Variants in RSRP1 observed in about 807,000 individuals in gnomAD.
RSRP1 encodes arginine and serine rich protein 1.
In RSRP1, 37 loss-of-function variants were observed where a neutral mutation model predicts 33.0. That is an observed-to-expected ratio of 1.12 (90% CI 0.86 to 1.48). RSRP1 has a LOEUF of 1.48. Among genes scored for constraint, RSRP1 ranks in the 40% most tolerant of loss-of-function variants. The pLI is 0.00. For missense variants in RSRP1, 402 were observed against 385.3 expected, an observed-to-expected ratio of 1.04 and a Z score of -0.36; for synonymous variants, 167 against 158.7, an observed-to-expected ratio of 1.05 and a Z score of -0.40.
intron 1 of RSRP1, among the ~76,000 whole-genome samples, chr1:25,292,283 G>GAT (rs1642575515): frequency 7.6e-6 from 1 of 132,310 alleles, no homozygotes; most frequent in African/African-American, 2.6e-5. Context: ...GGAGAGCCAT[G>GAT]ATCTGACTTA....
intron 1 of RSRP1, among the ~76,000 whole-genome samples, chr1:25,256,821 T>C (rs1156440192): frequency 6.6e-6 from 1 of 152,112 alleles, no homozygotes; most frequent in East Asian, 1.9e-4. Context: ...TATTATGCTA[T>C]TGGACCTAAA....
At chr1:25,290,892 C>A in intron 1 of RSRP1, 2 of 1,193,026 alleles carry the variant, frequency 1.7e-6, no homozygotes, top group South Asian at 1.2e-5. Flanking sequence ...ACCTGTAATC[C>A]CAGCTACTTG....
intron 1 of RSRP1, among the ~76,000 whole-genome samples, chr1:25,276,386 A>G (rs1158900278): frequency 1.5e-4 from 18 of 122,070 alleles, no homozygotes; most frequent in African/African-American, 5.2e-4. Context: ...CTGTTTTCGT[A>G]TATGCTTTAA....
At chr1:25,303,113 C>T (rs1643517144) in intron 1 of RSRP1, among the ~76,000 whole-genome samples, 1 of 131,976 alleles carries the variant, frequency 7.6e-6, no homozygotes, top group Admixed American at 7.3e-5. Context: ...GGTAACTGTG[C>T]CCTGAGCCTA....
chr1:25,262,579 T>G (rs911938598), intron 1 of RSRP1, among the ~76,000 whole-genome samples: 6 of 152,328 alleles, frequency 3.9e-5, no homozygotes, highest in African/African-American at 1.4e-4. Flanking sequence ...GCAGATTGTC[T>G]GCAAGCTGGA....
chr1:25,307,418 GA>G (rs1437610441), intron 1 of RSRP1, among the ~76,000 whole-genome samples: 1 of 132,060 alleles, frequency 7.6e-6, no homozygotes, highest in African/African-American at 2.6e-5. Flanking sequence ...TATATAAAAT[GA>G]AAAAGTGAAT....
Position 25,243,645 on chromosome 1 carries a change from A to G in RSRP1, c.673-12T>C. On this transcript the variant is annotated splice_polypyrimidine_tract_variant and intron_variant, in intron 3 of 4. Transcript: ENST00000243189. ...ACCTTTTCCGACAGCTAGACAGGTT[A>G]AGAAAAAGTGTAATTTTAAAACACA... 1.2e-6 allele frequency: 2 copies of G among 1,613,068 alleles called. No individual in the cohort carries two copies. The highest frequency in any genetic ancestry group is 1.7e-6 in the Non-Finnish European group (2 of 1,179,498).
intron 1 of RSRP1, among the ~76,000 whole-genome samples, chr1:25,255,842 T>C (rs1639930489): frequency 6.6e-6 from 1 of 152,086 alleles, no homozygotes; most frequent in South Asian, 2.1e-4. Context: ...AATCTAATGC[T>C]GCGGCTGATC....
At chr1:25,262,630 A>G (rs1411418427) in intron 1 of RSRP1, among the ~76,000 whole-genome samples, 2 of 152,180 alleles carry the variant, frequency 1.3e-5, no homozygotes, top group East Asian at 3.9e-4. Context: ...CCAAGTCCCA[A>G]AGCCTCAGAA....
chr1:25,276,851 G>T (rs1292419134), intron 1 of RSRP1, among the ~76,000 whole-genome samples: 1 of 132,608 alleles, frequency 7.5e-6, no homozygotes, highest in African/African-American at 2.6e-5. Flanking sequence ...CAGATCACGA[G>T]GTCTGGAGAT....
At chr1:25,294,218 GA>G (rs1459601772) in intron 1 of RSRP1, 1 of 849,036 alleles carries the variant, frequency 1.2e-6, no homozygotes, top group Non-Finnish European at 2.0e-6. Flanking sequence ...CGTGATAGTT[GA>G]AATAGCAAAG....
At position 25,313,855 on chromosome 1, in the gene RSRP1, C is replaced by T. The variant is rs189754116; in HGVS notation, c.-67+24123G>A. 1.5e-5 allele frequency among the ~76,000 whole-genome samples: 2 copies of T among 132,932 alleles called. 1 individual carries two copies. Among genetic ancestry groups the T allele is most frequent in the Admixed American group, 1.5e-4 (2 of 13,658 alleles). The allele number at this position is 132,932 out of a possible 152,430, so 87.2% of individuals were successfully genotyped here. A position where few individuals can be genotyped will look rare whatever the true frequency, so the allele number is the denominator to read the frequency against. On this transcript the variant is annotated intron_variant, in intron 1 of 1. Coordinates refer to the RSRP1 transcript ENST00000561867. ...CTGACTTGCAAGAAAATGAGATAAA[C>T]AACTTTGGCCATTAGTGTGGCCCTG...
Position 25,242,368 on chromosome 1 carries a change from T to TC in RSRP1, c.*220dup, listed in dbSNP as rs1192847168. ...ATATTTACAACTATATACAAAAGAC[T>TC]CCCACCTGTGCATAACCTTTGGTCC... On this transcript the variant is annotated 3_prime_UTR_variant, in exon 5 of 5. Coordinates refer to ENST00000243189, the MANE Select transcript of RSRP1 (RefSeq NM_020317.5). 2.8e-6 allele frequency: 1 copy of TC among 358,744 alleles called. No homozygotes were observed. Among genetic ancestry groups the TC allele is most frequent in the African/African-American group, 2.1e-5 (1 of 48,094 alleles). 22.2% of individuals were successfully genotyped at this position (358,744 alleles called of 1,614,324 possible). A position where few individuals can be genotyped will look rare whatever the true frequency, so the allele number is the denominator to read the frequency against.
At position 25,246,580 on chromosome 1, in the gene RSRP1, T is replaced by G. The variant is rs773705752; in HGVS notation, c.384A>C (p.Gly128=). The G allele has an allele frequency of 3.4e-5, 55 of 1,614,158 alleles. No individual in the cohort carries two copies. Among genetic ancestry groups the G allele is most frequent in the Non-Finnish European group, 4.3e-5 (51 of 1,180,036 alleles). Residue 128 remains glycine (G), a synonymous_variant, in exon 2 of 5, where the codon GGA becomes GGC. Transcript: ENST00000243189. ...RSRSRGRSYC[G]RAYAIARGQR... ...GTCCCCGCGCGATCGCGTACGCCCT[T>G]CCGCAGTACGACCTTCCCCGAGAGC...
At chr1:25,297,494 G>A (rs1390815467) in intron 1 of RSRP1, among the ~76,000 whole-genome samples, 1 of 121,674 alleles carries the variant, frequency 8.2e-6, no homozygotes, top group Non-Finnish European at 1.9e-5. Context: ...TTCACCCACT[G>A]ATTTTAGTGT....
upstream of RSRP1, among the ~76,000 whole-genome samples, chr1:25,251,641 TTA>T (rs1368850118): frequency 5.9e-5 from 9 of 152,162 alleles, no homozygotes; most frequent in African/African-American, 2.2e-4. Flanking sequence ...AGTGCTGGGA[TTA>T]CAGGCGTGAG....
Position 25,305,853 on chromosome 1 carries a change from C to T in RSRP1, c.-67+32125G>A, listed in dbSNP as rs1332414664. Among the ~76,000 whole-genome samples, 79 of 131,180 alleles carry T rather than the reference C, an allele frequency of 6.0e-4. 21 individuals carry two copies. The highest frequency in any genetic ancestry group is 5.2e-4 in the Admixed American group (7 of 13,486). The allele number at this position is 131,180 out of a possible 152,430, so 86.1% of individuals were successfully genotyped here. ...CCGACTTCAGGTGATCCACCCATGTCGGCCTCCCAAAGTGCTGGGATTACA... is the reference window on the plus strand; with the variant it reads ...CCGACTTCAGGTGATCCACCCATGTTGGCCTCCCAAAGTGCTGGGATTACA... On this transcript the variant is annotated intron_variant, in intron 1 of 1. Transcript: ENST00000561867.
intron 1 of RSRP1, among the ~76,000 whole-genome samples, chr1:25,276,791 G>A (rs1157125681): frequency 7.5e-6 from 1 of 132,522 alleles, no homozygotes; most frequent in Admixed American, 7.3e-5. Flanking sequence ...TAAAGGCTGG[G>A]TGTAGTGGCT....
Position 25,298,595 on chromosome 1 carries a change from A to G in RSRP1, c.-67+39383T>C, listed in dbSNP as rs1196878103. Among the ~76,000 whole-genome samples the G allele has an allele frequency of 3.8e-5, 5 of 131,926 alleles. 1 individual carries two copies. The highest frequency in any genetic ancestry group is 7.8e-5 in the African/African-American group (3 of 38,440). 86.5% of individuals were successfully genotyped at this position (131,926 alleles called of 152,430 possible). On this transcript the variant is annotated intron_variant, in intron 1 of 1. Coordinates refer to the RSRP1 transcript ENST00000561867. ...GGTGGAGTTCAAAGAGATGAAAAAC[A>G]CAAGCCCGCTTTTCAGTTCTTATCA...
Sources: gnomAD v4.1 joint callset for allele counts (sites outside exome capture counted in the v4.1 genomes callset) on GRCh38, gnomAD v4.1.1 for gene constraint, MANE v1.5 for transcripts, NCBI Gene and HGNC (gene_info 2026-07-23, HGNC 2026-07-21) for gene names.